The following CNNM2 variants were observed in gnomAD, a reference collection of about 807,000 sequenced individuals.
The protein encoded by CNNM2 is cyclin and CBS domain divalent metal cation transport mediator 2, also known as metal transporter CNNM2.
In CNNM2, 12 loss-of-function variants were observed where a neutral mutation model predicts 66.9. The observed-to-expected ratio is 0.18, with a 90% CI of 0.11 to 0.29. The LOEUF (loss-of-function observed/expected upper bound fraction) is 0.29. Ranked by LOEUF, CNNM2 falls within the 10% of genes least tolerant of loss-of-function variation. The pLI is 1.00. For synonymous variants in CNNM2, 557 were observed against 501.8 expected (o/e 1.11, Z -1.47); for missense variants, 705 against 1,167.7 (o/e 0.60, Z 5.77).
chr10:103,031,843 G>A, intron 1 of CNNM2, among the ~76,000 whole-genome samples: 1 of 151,988 alleles, frequency 6.6e-6, no homozygotes, highest in African/African-American at 2.4e-5. Flanking sequence ...AAATGCGGGG[G>A]GGGCGTGAGG....
intron 1 of CNNM2, among the ~76,000 whole-genome samples, chr10:103,022,141 G>A (rs1176875001): frequency 1.3e-5 from 2 of 152,168 alleles, no homozygotes; most frequent in African/African-American, 2.4e-5. Context: ...AGTTTCTACC[G>A]CGTCAGCTGG....
chr10:102,922,378 T>C (rs918668952), intron 1 of CNNM2, among the ~76,000 whole-genome samples: 4 of 152,226 alleles, frequency 2.6e-5, no homozygotes, highest in Non-Finnish European at 4.4e-5. Flanking sequence ...GTCAGTTATA[T>C]TGGTTCTTTT....
chr10:103,053,378 G>A (rs1268689948), intron 2 of CNNM2, among the ~76,000 whole-genome samples: 5 of 152,256 alleles, frequency 3.3e-5, no homozygotes, highest in South Asian at 2.1e-4. Context: ...TTAGCTGGGC[G>A]TGGTGGCACA....
chr10:103,051,665 AG>A (rs1320946252), intron 2 of CNNM2, among the ~76,000 whole-genome samples: 1 of 150,270 alleles, frequency 6.7e-6, no homozygotes, highest in East Asian at 2.0e-4. Flanking sequence ...GCTTGAACCC[AG>A]GAGGTGGAGG....
At chr10:102,995,086 G>A (rs548026543) in intron 1 of CNNM2, among the ~76,000 whole-genome samples, 2 of 125,554 alleles carry the variant, frequency 1.6e-5, no homozygotes, top group Admixed American at 2.0e-4. Flanking sequence ...GCCCACATGC[G>A]TTTGGTTTTT....
At chr10:103,004,866 G>T (rs1270418784) in intron 1 of CNNM2, among the ~76,000 whole-genome samples, 1 of 152,158 alleles carries the variant, frequency 6.6e-6, no homozygotes, top group African/African-American at 2.4e-5. Flanking sequence ...CATACAACCT[G>T]CTGGATTTTT....
chr10:102,939,105 G>A (rs1470327726), intron 1 of CNNM2, among the ~76,000 whole-genome samples: 1 of 152,168 alleles, frequency 6.6e-6, no homozygotes, highest in Non-Finnish European at 1.5e-5. Context: ...CAAATTCGAA[G>A]ATTTGTTGCC....
At chr10:102,994,334 G>T (rs955796311) in intron 1 of CNNM2, among the ~76,000 whole-genome samples, 25 of 152,156 alleles carry the variant, frequency 1.6e-4, no homozygotes, top group Non-Finnish European at 1.9e-4. Flanking sequence ...TTACCATAAA[G>T]CATTAAACAC....
At chr10:103,034,900 A>G (rs1021139358) in intron 1 of CNNM2, among the ~76,000 whole-genome samples, 7 of 147,850 alleles carry the variant, frequency 4.7e-5, no homozygotes, top group African/African-American at 1.8e-4. Flanking sequence ...CGGGAAGCGG[A>G]GCTTGCAGTG....
intron 1 of CNNM2, among the ~76,000 whole-genome samples, chr10:102,956,255 T>C (rs1268304925): frequency 7.7e-6 from 1 of 130,050 alleles, no homozygotes; most frequent in African/African-American, 3.0e-5. Flanking sequence ...GCCACTTCAC[T>C]CCAGCCTGGG....
intron 1 of CNNM2, among the ~76,000 whole-genome samples, chr10:102,990,867 G>C (rs1308099171): frequency 2.6e-5 from 4 of 152,102 alleles, no homozygotes; most frequent in African/African-American, 9.7e-5. Flanking sequence ...TTTACCTTCT[G>C]ATTTCTTTTA....
rs887780071 is a variant in CNNM2, at chr10:103,026,601, CAA to C, written c.1622-23083_1622-23082del. On this transcript the variant is annotated intron_variant, in intron 1 of 7. Transcript: ENST00000369878. ...TAGGGACAGAGTGAGACCTTGTCTT[CAA>C]AAAAAAAAAAAAAAAAAAAAAAGGT... Among the ~76,000 whole-genome samples the C allele has an allele frequency of 0.27, 17,452 of 63,544 alleles. 481 individuals carry two copies. Among genetic ancestry groups the C allele is most frequent in the Middle Eastern group, 0.33 (34 of 102 alleles). 41.7% of individuals were successfully genotyped at this position (63,544 alleles called of 152,430 possible).
intron 1 of CNNM2, among the ~76,000 whole-genome samples, chr10:103,004,559 G>A (rs2064189029): frequency 6.6e-6 from 1 of 152,210 alleles, no homozygotes. Context: ...AGTAGTTCAA[G>A]GGTAGAGCCT....
chr10:103,014,328 G>A (rs1271709474), intron 1 of CNNM2, among the ~76,000 whole-genome samples: 1 of 152,176 alleles, frequency 6.6e-6, no homozygotes, highest in Non-Finnish European at 1.5e-5. Flanking sequence ...TAACATTGAT[G>A]AAGCACCTGC....
rs1017423135 is a variant in CNNM2 at position 103,054,169 on chromosome 10, G to T, written c.1766-160G>T. 2.0e-5 allele frequency among the ~76,000 whole-genome samples: 3 copies of T among 152,166 alleles called. No homozygotes were observed. The highest frequency in any genetic ancestry group is 7.2e-5 in the African/African-American group (3 of 41,432). On this transcript the variant is annotated intron_variant, in intron 2 of 7. Transcript: ENST00000369878. This position sits in a 1 kb window ranked among gnomAD's most constrained non-coding sequence, Gnocchi z 5.2. ...GCCGTGCTGATTTGATGAGGATCTGGCTCTCCCTCCCTCCTTCCCCGTGGC... is the reference window on the plus strand; with the variant it reads ...GCCGTGCTGATTTGATGAGGATCTGTCTCTCCCTCCCTCCTTCCCCGTGGC...
At chr10:103,056,245 T>C (rs1336258963) in intron 3 of CNNM2, among the ~76,000 whole-genome samples, 1 of 152,230 alleles carries the variant, frequency 6.6e-6, no homozygotes, top group African/African-American at 2.4e-5. Flanking sequence ...TTGTAAATAC[T>C]TTTGAACATT....
At chr10:103,070,021 G>A (rs534931521) in intron 5 of CNNM2, among the ~76,000 whole-genome samples, 2 of 152,308 alleles carry the variant, frequency 1.3e-5, no homozygotes, top group South Asian at 2.1e-4. Context: ...TCACTGAGAC[G>A]TCAAGAATTC....
At chr10:103,070,771 A>G (rs755178803) in intron 5 of CNNM2, among the ~76,000 whole-genome samples, 6 of 152,154 alleles carry the variant, frequency 3.9e-5, no homozygotes, top group Admixed American at 1.3e-4. Context: ...CTCTACTAAA[A>G]ATACAAAAAT....
chr10:102,922,760 G>C (rs561983213), intron 1 of CNNM2, among the ~76,000 whole-genome samples: 1 of 152,100 alleles, frequency 6.6e-6, no homozygotes, highest in East Asian at 1.9e-4. Flanking sequence ...GGGCTACCTG[G>C]TGACACCCCG....
Sources: gnomAD v4.1 joint callset for allele counts (sites outside exome capture counted in the v4.1 genomes callset) on GRCh38, gnomAD v4.1.1 for gene constraint, Gnocchi (gnomAD v3.1) non-coding constraint, MANE v1.5 for transcripts, NCBI Gene and HGNC (gene_info 2026-07-23, HGNC 2026-07-21) for gene names.